ZNF532: variants seen among roughly 807,000 people sequenced by gnomAD.
ZNF532 encodes zinc finger protein 532.
ZNF532 carries 22 observed loss-of-function variants against 89.3 expected under a neutral mutation model. The observed-to-expected ratio is 0.25, with a 90% CI of 0.18 to 0.35. ZNF532 has a LOEUF of 0.35. Among genes scored for constraint, ZNF532 ranks in the 10% least tolerant of loss-of-function variants. The pLI, the probability that ZNF532 is intolerant of heterozygous loss-of-function variation, is 1.00. For missense variants in ZNF532, 1,132 were observed against 1,643.4 expected, an observed-to-expected ratio of 0.69 and a Z score of 5.38; for synonymous variants, 606 against 649.6, an observed-to-expected ratio of 0.93 and a Z score of 1.02.
intron 3 of ZNF532, among the ~76,000 whole-genome samples, chr18:58,929,885 A>G (rs925540031): frequency 6.6e-6 from 1 of 152,222 alleles, no homozygotes; most frequent in African/African-American, 2.4e-5. Flanking sequence ...GAAAGCCACA[A>G]AACAAACTGG....
intron 2 of ZNF532, among the ~76,000 whole-genome samples, chr18:58,865,916 G>T (rs779826632): frequency 6.6e-6 from 1 of 152,184 alleles, no homozygotes; most frequent in Non-Finnish European, 1.5e-5. Flanking sequence ...GCATTTTCCC[G>T]ATGATTATAA....
intron 5 of ZNF532, among the ~76,000 whole-genome samples, chr18:58,940,975 C>G (rs1402247001): frequency 1.4e-5 from 2 of 147,606 alleles, no homozygotes; most frequent in African/African-American, 4.9e-5. Context: ...CTCTCTCTCT[C>G]TCTCTCTCTC....
intron 6 of ZNF532, among the ~76,000 whole-genome samples, chr18:58,952,469 A>G (rs2064307182): frequency 6.6e-6 from 1 of 152,014 alleles, no homozygotes; most frequent in Admixed American, 6.5e-5. Context: ...CAGTGGTGTG[A>G]TTGTAGCTCA....
chr18:58,978,362 C>T (rs1286548503), intron 7 of ZNF532, among the ~76,000 whole-genome samples: 2 of 152,146 alleles, frequency 1.3e-5, no homozygotes, highest in Non-Finnish European at 2.9e-5. Flanking sequence ...TTTCATTTAA[C>T]ATGGCATACT....
Position 58,920,282 on chromosome 18 carries a change from C to T in ZNF532, c.1995C>T (p.Ala665=). ...FYNKCSLLSH[A]RGHKEKGVVM... is the part of the protein sequence containing the mutation. ...ACAAATGCAGCCTCCTTTCCCATGC[C>T]CGTGGGCATAAGGAGAAAGGGGTGG... The change falls in exon 3 of 10, where the codon GCC becomes GCT. Residue 665 remains alanine, a synonymous_variant. Coordinates refer to ENST00000591808, the MANE Select transcript of ZNF532 (RefSeq NM_001375912.1). The T allele has an allele frequency of 6.2e-7, 1 of 1,613,976 alleles. No homozygotes were observed. Among genetic ancestry groups the T allele is most frequent in the Non-Finnish European group, 8.5e-7 (1 of 1,179,870 alleles).
rs765317268 is a variant in ZNF532 at position 58,919,481 on chromosome 18, C to G, written c.1194C>G (p.Ser398=). The G allele has an allele frequency of 1.9e-6, 3 of 1,614,092 alleles. No homozygotes were observed. The highest frequency in any genetic ancestry group is 2.5e-6 in the Non-Finnish European group (3 of 1,180,040). The change falls in exon 3 of 10, where the codon TCC becomes TCG. Residue 398 remains serine (S), a synonymous_variant. Transcript: ENST00000591808. This position sits in a 1 kb window ranked among gnomAD's most constrained non-coding sequence, Gnocchi z 6.1. ...SGKKPSEQTA[S]VMASVTSLLS... ...AGAAACCTTCCGAGCAGACAGCGTC[C>G]GTGATGGCCTCTGTGACATCCCTTC...
intron 7 of ZNF532, among the ~76,000 whole-genome samples, chr18:58,957,406 CAT>C (rs58182199): frequency 0.34 from 46,633 of 138,392 alleles, 7,494 homozygotes; most frequent in Non-Finnish European, 0.35. Context: ...ACTTAAAATA[CAT>C]ATATATATAT....
intron 5 of ZNF532, among the ~76,000 whole-genome samples, chr18:58,942,150 G>A (rs1476360503): frequency 1.3e-5 from 2 of 151,354 alleles, no homozygotes; most frequent in African/African-American, 2.4e-5. Context: ...AGCCTCCTGA[G>A]TAGCTGGGAC....
intron 2 of ZNF532, among the ~76,000 whole-genome samples, chr18:58,892,819 C>A (rs1001498854): frequency 6.6e-6 from 1 of 152,162 alleles, no homozygotes; most frequent in African/African-American, 2.4e-5. Context: ...AGAACTCATA[C>A]AAGAGAATTC....
Position 58,940,961 on chromosome 18 carries a change from C to CTT in ZNF532, c.2705+1342_2705+1343dup, listed in dbSNP as rs1413427043. Among the ~76,000 whole-genome samples the CTT allele has an allele frequency of 2.1e-5, 3 of 140,184 alleles. No individual in the cohort carries two copies. The South Asian group carries it at 7.0e-4, about 33-fold the overall frequency. 92.0% of individuals were successfully genotyped at this position (140,184 alleles called of 152,430 possible). The stretch of plus-strand genomic sequence containing the variant: ...ACACACACACACACACACACACACT[C>CTT]TTTCTCTCTCTCTCTCTCTCTCTCT... On this transcript the variant is annotated intron_variant, in intron 5 of 9. Coordinates refer to ENST00000591808, the MANE Select transcript of ZNF532 (RefSeq NM_001375912.1).
intron 9 of ZNF532, 39 bp downstream of exon 9, chr18:58,981,656 G>A: frequency 6.2e-7 from 1 of 1,610,594 alleles, no homozygotes; most frequent in Non-Finnish European, 8.5e-7. Flanking sequence ...GTGAAATTGT[G>A]TTGACTTGCT....
At position 58,919,830 on chromosome 18, in the gene ZNF532, G is replaced by A; in HGVS notation, c.1543G>A (p.Ala515Thr). 5 of 1,614,022 alleles carry A rather than the reference G, an allele frequency of 3.1e-6. No homozygotes were observed. The highest frequency in any genetic ancestry group is 3.4e-6 in the Non-Finnish European group (4 of 1,179,878). ...GGTGCCGGCATCCAGCCTGGCCAAT[G>A]CCAAACTCGTGCCAAAGACTGTGCA... ...VVVPASSLAN[A>T]KLVPKTVHLA... Residue 515 changes from alanine to threonine, a missense_variant, in exon 3 of 10, where the codon GCC becomes ACC. Transcript: ENST00000591808. This position sits in a 1 kb window ranked among gnomAD's most constrained non-coding sequence, Gnocchi z 6.1.
chr18:58,981,404 G>A (rs1432021163), intron 8 of ZNF532, 66 bp from the exon 9 acceptor site: 9 of 1,569,486 alleles, frequency 5.7e-6, no homozygotes, highest in African/African-American at 2.7e-5. Flanking sequence ...ACCTTCGACC[G>A]TGAGTTCTTC....
intron 5 of ZNF532, among the ~76,000 whole-genome samples, chr18:58,942,056 T>C (rs1313630035): frequency 7.1e-6 from 1 of 140,708 alleles, no homozygotes; most frequent in Non-Finnish European, 1.5e-5. Context: ...TCAGTCTCGC[T>C]GTGTCGCCCA....
chr18:58,880,775 T>TGTGTGTGTGTGTGG (rs2057853851), intron 2 of ZNF532, among the ~76,000 whole-genome samples: 1 of 132,412 alleles, frequency 7.6e-6, no homozygotes, highest in Non-Finnish European at 1.5e-5. Flanking sequence ...CGCGCGCGTC[T>TGTGTGTGTGTGTGG]GTGTGTGTGT....
chr18:58,958,896 T>G (rs2065052988), intron 7 of ZNF532, among the ~76,000 whole-genome samples: 1 of 152,222 alleles, frequency 6.6e-6, no homozygotes. Flanking sequence ...CAATTTTAGG[T>G]GGGTTGTGGA....
At chr18:58,982,552 G>A (rs2067926611) in intron 9 of ZNF532, among the ~76,000 whole-genome samples, 1 of 152,118 alleles carries the variant, frequency 6.6e-6, no homozygotes, top group Admixed American at 6.5e-5. Flanking sequence ...AACCTGGGAA[G>A]CAGAGGTTGC....
At chr18:58,891,775 T>C (rs1044511508) in intron 2 of ZNF532, among the ~76,000 whole-genome samples, 1 of 152,202 alleles carries the variant, frequency 6.6e-6, no homozygotes, top group Non-Finnish European at 1.5e-5. Context: ...TTGTTGAACG[T>C]GCCATCCTCT....
chr18:58,959,847 T>A (rs1031999654), intron 7 of ZNF532, among the ~76,000 whole-genome samples: 1 of 152,248 alleles, frequency 6.6e-6, no homozygotes, highest in Non-Finnish European at 1.5e-5. Flanking sequence ...TAGATTTTTT[T>A]AAAATTAAAT....
Sources: gnomAD v4.1 joint callset for allele counts (sites outside exome capture counted in the v4.1 genomes callset) on GRCh38, gnomAD v4.1.1 for gene constraint, Gnocchi (gnomAD v3.1) non-coding constraint, MANE v1.5 for transcripts, NCBI Gene and HGNC (gene_info 2026-07-23, HGNC 2026-07-21) for gene names.